Variants in ITGB3BP observed in about 807,000 individuals in gnomAD.
ITGB3BP encodes the protein centromere protein R.
In ITGB3BP, 27 loss-of-function variants were observed where a neutral mutation model predicts 29.1. The observed-to-expected ratio is 0.93, with a 90% CI of 0.68 to 1.28. The LOEUF is 1.28. ITGB3BP is among the 50% of genes most tolerant of loss of function. ITGB3BP has a pLI of 0.00. For missense variants in ITGB3BP, 192 were observed against 200.2 expected (o/e 0.96, Z 0.25); for synonymous variants, 61 against 61.4 (o/e 0.99, Z 0.03).
At chr1:63,525,910 C>A (rs1646580956), upstream of ITGB3BP, 1 of 541,168 alleles carries the variant, frequency 1.8e-6, no homozygotes, top group Non-Finnish European at 3.2e-6. Flanking sequence ...TATGTCATAT[C>A]ATATAGTTAC....
Position 63,501,562 on chromosome 1 carries a change from T to C in ITGB3BP, c.48+6966A>G, listed in dbSNP as rs865987703. On this transcript the variant is annotated intron_variant, in intron 2 of 8. Coordinates refer to ENST00000271002, the MANE Select transcript of ITGB3BP (RefSeq NM_014288.5). Reference sequence around the variant, plus strand: ...ATTAAGTTAGGCAATGGGAATAATCTGACTTAGAAGTGTCTTACTGCCAGG... The same window carrying C: ...ATTAAGTTAGGCAATGGGAATAATCCGACTTAGAAGTGTCTTACTGCCAGG... Among the ~76,000 whole-genome samples, 7 of 152,064 alleles carry C rather than the reference T, an allele frequency of 4.6e-5. No individual in the cohort carries two copies. The South Asian group carries it at 8.3e-4, about 18-fold the overall frequency.
intron 1 of ITGB3BP, chr1:63,510,301 G>A (rs1351426008): frequency 1.0e-5 from 4 of 389,726 alleles, no homozygotes; most frequent in Non-Finnish European, 1.8e-5. Flanking sequence ...TTTAGAAGGA[G>A]ACATATTCCA....
Position 63,446,803 on chromosome 1 carries a change from T to C in ITGB3BP, c.*1+3A>G, listed in dbSNP as rs994323197. ...AAACTAAATTAGAAAGGTGAAACAG[T>C]ACCTCAGTTTAAAATGGCTTTAAGG... On this transcript the variant is annotated splice_donor_region_variant and intron_variant, in intron 8 of 8. Coordinates refer to ENST00000271002, the MANE Select transcript of ITGB3BP (RefSeq NM_014288.5). 24 of 1,594,266 alleles carry C rather than the reference T, an allele frequency of 1.5e-5. No individual in the cohort carries two copies. Among genetic ancestry groups the C allele is most frequent in the Non-Finnish European group, 1.9e-5 (22 of 1,162,234 alleles).
intron 1 of ITGB3BP, among the ~76,000 whole-genome samples, chr1:63,518,650 T>TA (rs575052602): frequency 6.6e-6 from 1 of 151,192 alleles, no homozygotes; most frequent in African/African-American, 2.4e-5. Flanking sequence ...GGACTTGCTT[T>TA]AAAAAAAAAT....
At chr1:63,486,445 T>C (rs1645532616) in intron 3 of ITGB3BP, among the ~76,000 whole-genome samples, 1 of 152,022 alleles carries the variant, frequency 6.6e-6, no homozygotes, top group Admixed American at 6.6e-5. Flanking sequence ...ACAAAGTCAA[T>C]TAATACATAT....
intron 2 of ITGB3BP, among the ~76,000 whole-genome samples, chr1:63,490,788 T>C (rs1055463160): frequency 1.3e-5 from 2 of 152,346 alleles, no homozygotes; most frequent in South Asian, 2.1e-4. Flanking sequence ...TGTGTTTCCA[T>C]AGGTGTTGGG....
At chr1:63,451,825 C>T (rs1442361333) in intron 7 of ITGB3BP, 1 of 151,978 alleles carries the variant, frequency 6.6e-6, no homozygotes, top group African/African-American at 2.4e-5. Flanking sequence ...ATATAAAGAG[C>T]TAATGTAGCT....
chr1:63,472,868 C>A (rs1485982224), intron 4 of ITGB3BP, among the ~76,000 whole-genome samples: 1 of 152,190 alleles, frequency 6.6e-6, no homozygotes, highest in Non-Finnish European at 1.5e-5. Flanking sequence ...CCCAAAGTGC[C>A]GAGATTGCAG....
Position 63,478,769 on chromosome 1 carries a change from AT to A in ITGB3BP, c.248del (p.Asn83MetfsTer5). 6.9e-7 allele frequency: 1 copy of A among 1,441,224 alleles called. No homozygotes were observed. Among genetic ancestry groups the A allele is most frequent in the Non-Finnish European group, 9.4e-7 (1 of 1,060,864 alleles). The allele number at this position is 1,441,224 out of a possible 1,614,324, so 89.3% of individuals were successfully genotyped here. A position where few individuals can be genotyped will look rare whatever the true frequency, so the allele number is the denominator to read the frequency against. On this transcript the variant is annotated frameshift_variant, in exon 4 of 9. Transcript: ENST00000271002. LOFTEE classifies it high-confidence loss of function. ...TESKESTTKD[N>X]DEFMMLLSKV... is the part of the protein sequence containing the mutation. ...TTCAAAAATAACAAACTTACTCATC[AT>A]TGTCTTTTGTTGTAGATTCTTTGCT...
chr1:63,449,144 T>G (rs1644828616), intron 7 of ITGB3BP, among the ~76,000 whole-genome samples: 1 of 152,128 alleles, frequency 6.6e-6, no homozygotes, highest in South Asian at 2.1e-4. Context: ...TATGAAACCT[T>G]TGCACAACTC....
chr1:63,485,163 C>A (rs1645503478), intron 3 of ITGB3BP, among the ~76,000 whole-genome samples: 1 of 151,980 alleles, frequency 6.6e-6, no homozygotes, highest in Non-Finnish European at 1.5e-5. Context: ...ATGTATGGAA[C>A]ATATACTATT....
chr1:63,475,602 TAAAAG>T lies in ITGB3BP; in HGVS notation c.254+3157_254+3161del, dbSNP rs377761391. On this transcript the variant is annotated intron_variant, in intron 4 of 8. Transcript: ENST00000271002. ...GTCTTTATGCAGTGGTTTTAAAAAA[TAAAAG>T]AAATCTAAACAAATGGAATAAAGAA... 5.3e-5 allele frequency among the ~76,000 whole-genome samples: 8 copies of T among 152,002 alleles called. No individual in the cohort carries two copies. The East Asian group carries it at 1.5e-3, about 29-fold the overall frequency.
At chr1:63,464,073 G>T (rs796337929) in intron 4 of ITGB3BP, among the ~76,000 whole-genome samples, 14 of 152,108 alleles carry the variant, frequency 9.2e-5, no homozygotes, top group African/African-American at 3.4e-4. Flanking sequence ...GAATGAGGGA[G>T]GGATTAACAC....
chr1:63,495,808 T>G (rs538752438), intron 2 of ITGB3BP, among the ~76,000 whole-genome samples: 103 of 152,260 alleles, frequency 6.8e-4, no homozygotes, highest in African/African-American at 2.4e-3. Flanking sequence ...CCTTTTCCTT[T>G]TAAACAAGGA....
intron 4 of ITGB3BP, among the ~76,000 whole-genome samples, chr1:63,455,857 A>G (rs1644928564): frequency 6.7e-6 from 1 of 148,250 alleles, no homozygotes; most frequent in Admixed American, 7.0e-5. Context: ...ACTAAAAGGA[A>G]TAAAAAGGTA....
At chr1:63,510,775 G>C (rs1474391094) in intron 1 of ITGB3BP, among the ~76,000 whole-genome samples, 1 of 152,090 alleles carries the variant, frequency 6.6e-6, no homozygotes, top group African/African-American at 2.4e-5. Context: ...GGGAATTAAA[G>C]AAGGGAAGAG....
At chr1:63,522,044 AATC>A (rs1646461826) in intron 1 of ITGB3BP, among the ~76,000 whole-genome samples, 1 of 152,222 alleles carries the variant, frequency 6.6e-6, no homozygotes, top group Non-Finnish European at 1.5e-5. Context: ...CCTCCTCAAT[AATC>A]CATAACTTTT....
At chr1:63,463,503 G>T (rs1255032202) in intron 4 of ITGB3BP, among the ~76,000 whole-genome samples, 5 of 152,124 alleles carry the variant, frequency 3.3e-5, no homozygotes, top group Non-Finnish European at 7.4e-5. Flanking sequence ...TGGGAAACTA[G>T]GAAAACAATA....
intron 4 of ITGB3BP, chr1:63,457,449 C>T (rs1300005743): frequency 6.6e-6 from 1 of 152,102 alleles, no homozygotes; most frequent in Admixed American, 6.6e-5. Flanking sequence ...CACTTTGTTG[C>T]CCTAACATAG....
Sources: allele counts gnomAD v4.1 joint callset (sites outside exome capture counted in the v4.1 genomes callset), GRCh38; gene constraint gnomAD v4.1.1; transcripts MANE v1.5; gene names NCBI Gene and HGNC (gene_info 2026-07-23, HGNC 2026-07-21).